CRISPLD1: variants seen among roughly 807,000 people sequenced by gnomAD.
CRISPLD1 encodes the protein cysteine-rich secretory protein LCCL domain-containing 1.
In CRISPLD1, 60 loss-of-function variants were observed where a neutral mutation model predicts 77.5. The ratio of observed to expected loss-of-function variants is 0.77; its 90% confidence interval spans 0.63 to 0.96. The LOEUF (loss-of-function observed/expected upper bound fraction) is 0.96. Ranked by LOEUF, CRISPLD1 falls within the 40% of genes least tolerant of loss-of-function variation. The probability of loss-of-function intolerance (pLI) is 0.00; values close to 1 mark genes in which losing one functional copy is unlikely to be tolerated. For synonymous variants in CRISPLD1, 195 were observed against 200.1 expected (o/e 0.97, Z 0.22); for missense variants, 623 against 615.8 (o/e 1.01, Z -0.12).
chr8:75,008,027 T>C (rs892082781), intron 2 of CRISPLD1, among the ~76,000 whole-genome samples: 2 of 152,112 alleles, frequency 1.3e-5, no homozygotes, highest in Non-Finnish European at 2.9e-5. Flanking sequence ...AAATTTCTCA[T>C]ACACACACTT....
chr8:74,985,105 G>C (rs1812475755), intron 1 of CRISPLD1, among the ~76,000 whole-genome samples, 185 bp downstream of exon 1: 1 of 151,968 alleles, frequency 6.6e-6, no homozygotes, highest in African/African-American at 2.4e-5. Context: ...TCTAGTTCTT[G>C]TAAGTGACTT....
chr8:75,025,346 C>T (rs911770124), intron 12 of CRISPLD1, among the ~76,000 whole-genome samples, 200 bp from the exon 13 acceptor site: 3 of 151,878 alleles, frequency 2.0e-5, no homozygotes, highest in African/African-American at 4.8e-5. Flanking sequence ...TTTTAAATGA[C>T]ATTTATGCCA....
At chr8:75,024,524 C>T (rs577370133) in intron 12 of CRISPLD1, among the ~76,000 whole-genome samples, 110 of 152,176 alleles carry the variant, frequency 7.2e-4, no homozygotes, top group African/African-American at 2.6e-3. Flanking sequence ...GGGGTTTCAC[C>T]TTGTTGGCCA....
At chr8:75,002,988 AATG>A (rs545804920) in intron 2 of CRISPLD1, among the ~76,000 whole-genome samples, 119 of 152,294 alleles carry the variant, frequency 7.8e-4, no homozygotes, top group African/African-American at 2.8e-3. Flanking sequence ...ATTCCTGAGG[AATG>A]TCTAAAAATC....
Position 75,010,073 on chromosome 8 carries a change from T to G in CRISPLD1, c.259-2360T>G, listed in dbSNP as rs1271524112. 2.6e-5 allele frequency among the ~76,000 whole-genome samples: 4 copies of G among 152,238 alleles called. No individual in the cohort carries two copies. In the East Asian group the frequency reaches 7.7e-4, roughly 29 times the overall value. On this transcript the variant is annotated intron_variant, in intron 2 of 14. Coordinates refer to ENST00000262207, the MANE Select transcript of CRISPLD1 (RefSeq NM_031461.6). ...TAATTGAAAGTAAAATTAAAACTTT[T>G]ATGAAAAGCAGCAACTCTTGCTGCT...
intron 9 of CRISPLD1, 27 bp from the exon 10 acceptor site, chr8:75,017,293 T>A: frequency 6.2e-7 from 1 of 1,604,336 alleles, no homozygotes; most frequent in Non-Finnish European, 8.5e-7. Flanking sequence ...ATTTTTAACA[T>A]CTTTTTATCT....
At chr8:74,999,867 A>G (rs984904415) in intron 2 of CRISPLD1, among the ~76,000 whole-genome samples, 2 of 151,658 alleles carry the variant, frequency 1.3e-5, no homozygotes, top group African/African-American at 4.9e-5. Context: ...GTTGAAGTCA[A>G]TCTAATTGGA....
intron 10 of CRISPLD1, among the ~76,000 whole-genome samples, chr8:75,019,147 A>G (rs1430248351): frequency 6.6e-6 from 1 of 152,116 alleles, no homozygotes; most frequent in Non-Finnish European, 1.5e-5. Context: ...TTTCTTTTGG[A>G]CACGTTATAG....
chr8:75,025,806 T>A (rs965951042), intron 13 of CRISPLD1, among the ~76,000 whole-genome samples, 185 bp downstream of exon 13: 1 of 152,204 alleles, frequency 6.6e-6, no homozygotes, highest in Non-Finnish European at 1.5e-5. Flanking sequence ...AATAAGAGTG[T>A]ATAATTATTT....
Position 75,025,608 on chromosome 8 carries a change from G to T in CRISPLD1, c.1307G>T (p.Arg436Leu). 1.3e-6 allele frequency: 2 copies of T among 1,570,558 alleles called. No homozygotes were observed. Among genetic ancestry groups the T allele is most frequent in the South Asian group, 1.1e-5 (1 of 89,188 alleles). ...NPHYARVIGT[R>L]VYSDLSSICR... ...CATTATGCTCGTGTAATTGGAACTC[G>T]AGTTTATTCTGATGTAAGTATCCTA... is the stretch of plus-strand genomic sequence containing the variant. Residue 436 changes from arginine (R) to leucine (L), a missense_variant, in exon 13 of 15, where the codon CGA becomes CTA. Transcript: ENST00000262207.
At chr8:75,030,566 ATTATTT>A (rs1813316833) in intron 14 of CRISPLD1, among the ~76,000 whole-genome samples, 1 of 152,048 alleles carries the variant, frequency 6.6e-6, no homozygotes, top group African/African-American at 2.4e-5. Context: ...CAGTATAATA[ATTATTT>A]TTGAGTACCT....
chr8:74,994,890 G>C (rs1032072064), intron 2 of CRISPLD1, among the ~76,000 whole-genome samples: 1 of 152,156 alleles, frequency 6.6e-6, no homozygotes, highest in African/African-American at 2.4e-5. Flanking sequence ...CTAAGATGGG[G>C]AAGAATATGG....
chr8:74,991,447 A>T (rs529096350), intron 2 of CRISPLD1, among the ~76,000 whole-genome samples: 1 of 152,338 alleles, frequency 6.6e-6, no homozygotes, highest in East Asian at 1.9e-4. Flanking sequence ...TGATTAGCTT[A>T]TAAAGGGAAG....
intron 2 of CRISPLD1, among the ~76,000 whole-genome samples, chr8:74,993,089 T>C (rs996365947): frequency 7.9e-5 from 12 of 152,148 alleles, no homozygotes; most frequent in Admixed American, 7.9e-4. Flanking sequence ...TTATTTGCTA[T>C]CAGCGGTATA....
chr8:75,022,061 C>A (rs960210592), intron 12 of CRISPLD1, among the ~76,000 whole-genome samples: 1 of 152,074 alleles, frequency 6.6e-6, no homozygotes, highest in Non-Finnish European at 1.5e-5. Flanking sequence ...TCAAGTAAAG[C>A]ATTAATAAAC....
Position 75,012,741 on chromosome 8 carries a change from T to G in CRISPLD1, c.378-149T>G, listed in dbSNP as rs527375428. The G allele has an allele frequency of 1.0e-5, 9 of 863,874 alleles. No individual in the cohort carries two copies. The East Asian group carries it at 2.3e-4, about 23-fold the overall frequency. The allele number at this position is 863,874 out of a possible 1,614,324, so 53.5% of individuals were successfully genotyped here. On this transcript the variant is annotated intron_variant, in intron 3 of 14. Coordinates refer to ENST00000262207, the MANE Select transcript of CRISPLD1 (RefSeq NM_031461.6). ...TAGACTTTAATGTAAATCATCAATT[T>G]ATTAGTAATGTAAGGGGCATAAAAA...
chr8:75,001,665 G>A (rs186901258), intron 2 of CRISPLD1, among the ~76,000 whole-genome samples: 2 of 152,272 alleles, frequency 1.3e-5, no homozygotes, highest in East Asian at 3.9e-4. Context: ...GACAATATGT[G>A]TCCAGCTGAT....
chr8:75,018,083 A>G (rs2128786529), intron 10 of CRISPLD1, among the ~76,000 whole-genome samples: 1 of 152,248 alleles, frequency 6.6e-6, no homozygotes, highest in Admixed American at 6.5e-5. Context: ...TTTTCCCTCT[A>G]AGTAAAACAG....
intron 12 of CRISPLD1, among the ~76,000 whole-genome samples, chr8:75,022,932 A>G (rs2128787722): frequency 6.6e-6 from 1 of 152,268 alleles, no homozygotes; most frequent in South Asian, 2.1e-4. Context: ...AGTGTCTTAT[A>G]AAAATTATAA....
Sources: allele counts gnomAD v4.1 joint callset (sites outside exome capture counted in the v4.1 genomes callset), GRCh38; gene constraint gnomAD v4.1.1; transcripts MANE v1.5; gene names NCBI Gene and HGNC (gene_info 2026-07-23, HGNC 2026-07-21).